Variants in LRP1B observed in about 807,000 individuals in gnomAD.
The protein encoded by LRP1B is LDL receptor related protein 1B.
Under a neutral mutation model 556.6 loss-of-function variants are expected in LRP1B, and 217 were observed. The ratio of observed to expected loss-of-function variants is 0.39; its 90% CI spans 0.35 to 0.44. The LOEUF (loss-of-function observed/expected upper bound fraction) is 0.44. LRP1B is among the 20% of genes least tolerant of loss of function. LRP1B has a pLI of 1.00. For synonymous variants in LRP1B, 2,047 were observed against 1,865.8 expected (o/e 1.10, Z -2.50); for missense variants, 5,053 against 5,620.8 (o/e 0.90, Z 3.23).
At chr2:141,126,382 C>T (rs1473187635) in intron 7 of LRP1B, among the ~76,000 whole-genome samples, 4 of 152,078 alleles carry the variant, frequency 2.6e-5, no homozygotes, top group East Asian at 1.9e-4. Context: ...CCTCGCCATT[C>T]GATTCTAGAG....
At chr2:141,388,706 A>G (rs1220980777) in intron 3 of LRP1B, among the ~76,000 whole-genome samples, 1 of 152,146 alleles carries the variant, frequency 6.6e-6, no homozygotes, top group Non-Finnish European at 1.5e-5. Context: ...TTTGGAAAAG[A>G]AGAAGCATAA....
intron 2 of LRP1B, among the ~76,000 whole-genome samples, chr2:141,704,190 A>G (rs1477452912): frequency 6.6e-6 from 1 of 151,936 alleles, no homozygotes; most frequent in South Asian, 2.1e-4. Flanking sequence ...TTAGATCAGG[A>G]ATATTTTTGA....
chr2:140,324,897 C>CATTG (rs1411293416), intron 80 of LRP1B, among the ~76,000 whole-genome samples: 1 of 137,106 alleles, frequency 7.3e-6, no homozygotes, highest in Non-Finnish European at 1.6e-5. Context: ...CATCTGAGGC[C>CATTG]ATTGATTAAA....
chr2:142,115,555 T>TACATATGTAATATATATA (rs1491520896), intron 1 of LRP1B, among the ~76,000 whole-genome samples: 1 of 18,734 alleles, frequency 5.3e-5, no homozygotes, highest in African/African-American at 1.3e-4. Context: ...ATATATATAT[T>TACATATGTAATATATATA]ATATATGTAA....
At chr2:141,212,081 TA>T (rs1216937761) in intron 6 of LRP1B, among the ~76,000 whole-genome samples, 1 of 151,990 alleles carries the variant, frequency 6.6e-6, no homozygotes, top group African/African-American at 2.4e-5. Context: ...TGCAATTAAT[TA>T]AAAAAGTAAA....
intron 7 of LRP1B, among the ~76,000 whole-genome samples, chr2:141,125,691 G>A (rs749450027): frequency 6.6e-6 from 1 of 151,898 alleles, no homozygotes; most frequent in African/African-American, 2.4e-5. Context: ...TGGGAGAAAC[G>A]GCTCCCAGCA....
chr2:141,132,041 G>C (rs1314653446), intron 7 of LRP1B, among the ~76,000 whole-genome samples: 2 of 151,918 alleles, frequency 1.3e-5, no homozygotes, highest in African/African-American at 2.4e-5. Context: ...TCATGCCTTT[G>C]TATCCTCATG....
intron 1 of LRP1B, among the ~76,000 whole-genome samples, chr2:141,989,800 C>A (rs1702292358): frequency 6.6e-6 from 1 of 152,064 alleles, no homozygotes; most frequent in Admixed American, 6.6e-5. Flanking sequence ...CCTCCCCAGC[C>A]ATGGGGAAGT....
At chr2:141,308,844 C>A (rs974839600) in intron 3 of LRP1B, among the ~76,000 whole-genome samples, 4 of 151,984 alleles carry the variant, frequency 2.6e-5, no homozygotes, top group African/African-American at 7.3e-5. Flanking sequence ...TACCAAATAG[C>A]CTTTTTGTCC....
chr2:141,111,368 A>ACG lies in LRP1B; in HGVS notation c.1014-49096_1014-49095insCG, dbSNP rs397828275. 7.9e-5 allele frequency among the ~76,000 whole-genome samples: 12 copies of ACG among 151,680 alleles called. 1 individual carries two copies. The highest frequency in any genetic ancestry group is 6.6e-4 in the Admixed American group (10 of 15,216). Reference sequence around the variant, plus strand: ...CAAGTACAGTTAATCCTCATTATTCAGATTTCATATTTGCAAATTTGTTTA... The same window carrying ACG: ...CAAGTACAGTTAATCCTCATTATTCACGGATTTCATATTTGCAAATTTGTTTA... On this transcript the variant is annotated intron_variant, in intron 7 of 90. Transcript: ENST00000389484.
intron 2 of LRP1B, among the ~76,000 whole-genome samples, chr2:141,513,937 C>T (rs932025604): frequency 6.6e-6 from 1 of 152,090 alleles, no homozygotes; most frequent in Non-Finnish European, 1.5e-5. Flanking sequence ...CCACTGAATT[C>T]TTATAATTGT....
At chr2:140,606,070 C>G (rs1574135301) in intron 41 of LRP1B, among the ~76,000 whole-genome samples, 2 of 151,786 alleles carry the variant, frequency 1.3e-5, no homozygotes, top group African/African-American at 4.8e-5. Flanking sequence ...AAATGGTATC[C>G]AGATTGGAAA....
At chr2:142,107,762 G>A (rs1706802436) in intron 1 of LRP1B, among the ~76,000 whole-genome samples, 1 of 149,936 alleles carries the variant, frequency 6.7e-6, no homozygotes, top group Non-Finnish European at 1.5e-5. Flanking sequence ...TGAGTAGCTG[G>A]GATTACAGGC....
At chr2:140,734,736 TG>T (rs57495238) in intron 35 of LRP1B, among the ~76,000 whole-genome samples, 24,266 of 152,074 alleles carry the variant, frequency 0.16, 2,025 homozygotes, top group South Asian at 0.19. Context: ...TCTCAGCTAA[TG>T]ACTGTGTGAA....
rs1270364357 is a variant in LRP1B, at chr2:141,013,608, A to G, written c.2328T>C (p.His776=). 4 of 1,612,308 alleles carry G rather than the reference A, an allele frequency of 2.5e-6. No individual in the cohort carries two copies. The South Asian group carries it at 3.3e-5, about 13-fold the overall frequency. ...GAAGCCCAAATAGGGGTGGTCTTTC[A>G]TGCCTCAGCAATGTCACCTCACTTG... ...LITSEVTLLR[H]ERPPLFGLQI... The change falls in exon 14 of 91, where the codon CAT becomes CAC. Residue 776 remains histidine, a synonymous_variant. Transcript: ENST00000389484.
At chr2:140,854,179 A>T (rs1692545882) in intron 27 of LRP1B, among the ~76,000 whole-genome samples, 1 of 152,166 alleles carries the variant, frequency 6.6e-6, no homozygotes. Context: ...GCTATTTCTC[A>T]GGAAAATTAA....
intron 35 of LRP1B, 144 bp downstream of exon 35, chr2:140,769,069 G>C: frequency 1.4e-6 from 1 of 706,732 alleles, no homozygotes; most frequent in Non-Finnish European, 2.2e-6. Flanking sequence ...AATAATTTAT[G>C]ATTGGCCTTA....
At chr2:140,641,226 T>C (rs996409432) in intron 41 of LRP1B, among the ~76,000 whole-genome samples, 3 of 152,208 alleles carry the variant, frequency 2.0e-5, no homozygotes, top group African/African-American at 4.8e-5. Context: ...CAATGACTGA[T>C]AGTATAAAGG....
chr2:141,769,809 C>CCTTAAAGTTGATCTACCACAAA (rs148715991), intron 2 of LRP1B, among the ~76,000 whole-genome samples: 52,457 of 152,000 alleles, frequency 0.35, 9,230 homozygotes, highest in African/African-American at 0.43. Context: ...TTACTATACG[C>CCTTAAAGTTGATCTACCACAAA]TGGGGTTACT....
Sources: allele counts gnomAD v4.1 joint callset (sites outside exome capture counted in the v4.1 genomes callset), GRCh38; gene constraint gnomAD v4.1.1; transcripts MANE v1.5; gene names NCBI Gene and HGNC (gene_info 2026-07-23, HGNC 2026-07-21).